The following CHN1 variants were observed in gnomAD, a reference collection of about 807,000 sequenced individuals.
CHN1 encodes N-chimaerin.
Under a neutral mutation model 59.5 loss-of-function variants are expected in CHN1, and 37 were observed. The ratio of observed to expected loss-of-function variants is 0.62; its 90% CI spans 0.48 to 0.82. The LOEUF is 0.82. CHN1 is among the 40% of genes least tolerant of loss of function. The probability of loss-of-function intolerance (pLI) is 0.00; values close to 1 mark genes in which losing one functional copy is unlikely to be tolerated. For synonymous variants in CHN1, 206 were observed against 200.4 expected (o/e 1.03, Z -0.24); for missense variants, 469 against 571.0 (o/e 0.82, Z 1.82).
intron 1 of CHN1, among the ~76,000 whole-genome samples, chr2:174,993,383 C>T (rs1691611024): frequency 6.6e-6 from 1 of 152,028 alleles, no homozygotes; most frequent in Non-Finnish European, 1.5e-5. Flanking sequence ...CTTTAACAAG[C>T]GTTAGAATAA....
intron 5 of CHN1, among the ~76,000 whole-genome samples, chr2:174,894,454 C>CA (rs1278827760): frequency 2.0e-5 from 3 of 151,908 alleles, no homozygotes; most frequent in African/African-American, 7.2e-5. Context: ...TGACCACTAC[C>CA]AAAAAAACCA....
rs573485068 is a variant in CHN1, at chr2:174,953,505, T to A, written c.20-1303A>T. ...AAACTGTTGTTGTTTGCTGATGACA[T>A]GATCGCACACCTAGAAAACCCTAAA... On this transcript the variant is annotated intron_variant, in intron 1 of 12. Transcript: ENST00000409900. Among the ~76,000 whole-genome samples the A allele has an allele frequency of 2.0e-5, 3 of 152,278 alleles. No homozygotes were observed. In the East Asian group the frequency reaches 5.8e-4, roughly 29 times the overall value.
chr2:174,843,430 G>T (rs1686385789), intron 7 of CHN1, among the ~76,000 whole-genome samples: 1 of 151,930 alleles, frequency 6.6e-6, no homozygotes, highest in African/African-American at 2.4e-5. Context: ...GTAGAGACAG[G>T]GTTTCCCCAT....
At chr2:174,862,087 T>A (rs1447596619) in intron 6 of CHN1, among the ~76,000 whole-genome samples, 1 of 152,140 alleles carries the variant, frequency 6.6e-6, no homozygotes, top group Non-Finnish European at 1.5e-5. Context: ...TTCATTATTT[T>A]AAAATGCATG....
intron 5 of CHN1, among the ~76,000 whole-genome samples, chr2:174,909,626 G>A (rs927710713): frequency 1.3e-4 from 20 of 152,218 alleles, no homozygotes; most frequent in African/African-American, 4.8e-4. Context: ...GACTGAAGCT[G>A]ATGCTGTGAC....
At chr2:174,814,769 T>G (rs1685190168) in intron 8 of CHN1, among the ~76,000 whole-genome samples, 1 of 152,202 alleles carries the variant, frequency 6.6e-6, no homozygotes, top group South Asian at 2.1e-4. Flanking sequence ...TAAGTTGAAC[T>G]CAAGGCTAAA....
chr2:174,902,497 CAT>C (rs1387059680), intron 5 of CHN1, among the ~76,000 whole-genome samples: 1 of 152,152 alleles, frequency 6.6e-6, no homozygotes, highest in Non-Finnish European at 1.5e-5. Flanking sequence ...TTACTGTCAT[CAT>C]GTGTTATCAC....
intron 1 of CHN1, among the ~76,000 whole-genome samples, chr2:174,967,155 G>A (rs1294619929): frequency 6.6e-6 from 1 of 151,974 alleles, no homozygotes; most frequent in Admixed American, 6.6e-5. Flanking sequence ...ACCAGCCTGG[G>A]CAATGTGGAG....
At chr2:174,946,264 T>G (rs537640224) in intron 2 of CHN1, among the ~76,000 whole-genome samples, 1 of 152,326 alleles carries the variant, frequency 6.6e-6, no homozygotes, top group South Asian at 2.1e-4. Flanking sequence ...GACTACTTAT[T>G]ATTATACATA....
Position 175,005,236 on chromosome 2 carries a change from G to A in CHN1, c.-324C>T. 8.4e-7 allele frequency: 1 copy of A among 1,184,828 alleles called. No individual in the cohort carries two copies. Among genetic ancestry groups the A allele is most frequent in the Non-Finnish European group, 1.0e-6 (1 of 955,738 alleles). 73.4% of individuals were successfully genotyped at this position (1,184,828 alleles called of 1,614,324 possible). A position where few individuals can be genotyped will look rare whatever the true frequency, so the allele number is the denominator to read the frequency against. On this transcript the variant is annotated 5_prime_UTR_variant, in exon 1 of 13. Coordinates refer to ENST00000409900, the MANE Select transcript of CHN1 (RefSeq NM_001822.7). ...AGGCAGGAGGCTTGGCCGCGGCGCA[G>A]TGGCTGGCGGAGAGGCGGCGCCGCA... is the stretch of plus-strand genomic sequence containing the variant.
chr2:174,927,192 C>CA (rs1216166124), intron 3 of CHN1, among the ~76,000 whole-genome samples: 1 of 152,124 alleles, frequency 6.6e-6, no homozygotes, highest in Non-Finnish European at 1.5e-5. Context: ...TTAACTCTGT[C>CA]AAAATAAACT....
intron 2 of CHN1, among the ~76,000 whole-genome samples, chr2:174,949,432 C>A (rs960313610): frequency 1.3e-5 from 2 of 152,132 alleles, no homozygotes; most frequent in African/African-American, 2.4e-5. Context: ...AATCCTCCCA[C>A]CTCCACCTCC....
At chr2:174,976,070 G>T (rs1690915939) in intron 1 of CHN1, among the ~76,000 whole-genome samples, 2 of 131,296 alleles carry the variant, frequency 1.5e-5, no homozygotes, top group South Asian at 5.7e-4. Flanking sequence ...AGCTTGCAGT[G>T]AGCAGAGATC....
At chr2:174,938,041 ATTT>A (rs1558989567) in intron 3 of CHN1, among the ~76,000 whole-genome samples, 1 of 152,036 alleles carries the variant, frequency 6.6e-6, no homozygotes, top group East Asian at 1.9e-4. Context: ...TTAAAAAAAA[ATTT>A]TTTTAAGAGA....
chr2:174,892,965 T>C (rs1688099260), intron 5 of CHN1, among the ~76,000 whole-genome samples: 4 of 151,432 alleles, frequency 2.6e-5, no homozygotes, highest in African/African-American at 9.7e-5. Context: ...TAGAAGGAAA[T>C]TACCTCAGTA....
At chr2:174,896,257 T>C in intron 5 of CHN1, among the ~76,000 whole-genome samples, 1 of 152,180 alleles carries the variant, frequency 6.6e-6, no homozygotes, top group East Asian at 1.9e-4. Context: ...ATGTATTAGA[T>C]ATGCTAAAGA....
intron 3 of CHN1, among the ~76,000 whole-genome samples, chr2:174,938,607 T>C (rs1689568493): frequency 6.6e-6 from 1 of 152,126 alleles, no homozygotes; most frequent in South Asian, 2.1e-4. Flanking sequence ...TAGAAACAAA[T>C]TATCACCACT....
chr2:174,829,990 A>C (rs1441164012), intron 7 of CHN1, among the ~76,000 whole-genome samples: 1 of 152,098 alleles, frequency 6.6e-6, no homozygotes, highest in Non-Finnish European at 1.5e-5. Context: ...ATCAAACCCT[A>C]ATTTGGCCGG....
At position 174,963,934 on chromosome 2, in the gene CHN1, G is replaced by A. The variant is rs145818773; in HGVS notation, c.20-11732C>T. On this transcript the variant is annotated intron_variant, in intron 1 of 12. Transcript: ENST00000409900. ...AGGTTCTGTGTGAGACATTCTCCTCGAGACTTGATGTAAAAACATAAACAA... is the reference window on the plus strand; with the variant it reads ...AGGTTCTGTGTGAGACATTCTCCTCAAGACTTGATGTAAAAACATAAACAA... Among the ~76,000 whole-genome samples the A allele has an allele frequency of 3.9e-4, 60 of 152,266 alleles. 1 individual carries two copies. Among genetic ancestry groups the A allele is most frequent in the African/African-American group, 1.2e-3 (50 of 41,542 alleles).
Sources: allele counts gnomAD v4.1 joint callset (sites outside exome capture counted in the v4.1 genomes callset), GRCh38; gene constraint gnomAD v4.1.1; transcripts MANE v1.5; gene names NCBI Gene and HGNC (gene_info 2026-07-23, HGNC 2026-07-21).